The following APLP2 variants were observed in gnomAD, a reference collection of about 807,000 sequenced individuals.
APLP2 encodes the protein amyloid beta precursor like protein 2.
A neutral mutation model predicts 89.9 loss-of-function variants in APLP2; 53 were observed. The ratio of observed to expected loss-of-function variants is 0.59; its 90% CI spans 0.47 to 0.74. APLP2 has a LOEUF of 0.74. APLP2 is among the 30% of genes least tolerant of loss of function. APLP2 has a pLI of 0.00. For missense variants in APLP2, 973 were observed against 975.9 expected (o/e 1.00, Z 0.04); for synonymous variants, 372 against 348.6 (o/e 1.07, Z -0.75).
At chr11:130,127,554 CAA>C (rs563120672) in intron 8 of APLP2, among the ~76,000 whole-genome samples, 37 of 152,272 alleles carry the variant, frequency 2.4e-4, no homozygotes, top group African/African-American at 8.4e-4. Flanking sequence ...GGTTATGTAA[CAA>C]AGAGGTCATG....
chr11:130,081,135 C>T, intron 1 of APLP2, among the ~76,000 whole-genome samples: 1 of 152,056 alleles, frequency 6.6e-6, no homozygotes, highest in Non-Finnish European at 1.5e-5. Flanking sequence ...TAGATTCCCC[C>T]TTATGTGTGT....
chr11:130,087,932 T>C (rs975129117), intron 1 of APLP2, among the ~76,000 whole-genome samples: 3 of 152,206 alleles, frequency 2.0e-5, no homozygotes, highest in Admixed American at 6.5e-5. Flanking sequence ...TTTTAAACAA[T>C]AGGAATAGTA....
intron 1 of APLP2, among the ~76,000 whole-genome samples, chr11:130,094,025 G>A (rs1446658008): frequency 2.7e-5 from 4 of 149,618 alleles, no homozygotes; most frequent in Non-Finnish European, 4.4e-5. Context: ...GATTACAGGC[G>A]TGAGCCACCA....
At chr11:130,088,447 T>G (rs893888276) in intron 1 of APLP2, among the ~76,000 whole-genome samples, 2 of 152,082 alleles carry the variant, frequency 1.3e-5, no homozygotes, top group Non-Finnish European at 2.9e-5. Flanking sequence ...GTACAATGAA[T>G]TAGCAATGCG....
Position 130,123,591 on chromosome 11 carries a change from A to G in APLP2, c.923-21A>G, listed in dbSNP as rs771778673. On this transcript the variant is annotated intron_variant, in intron 6 of 16. Coordinates refer to ENST00000338167, the MANE Select transcript of APLP2 (RefSeq NM_001142276.2). This position sits in a 1 kb window ranked among gnomAD's most constrained non-coding sequence, Gnocchi z 4.0. ...ACGTCACTGCCTCTGTCCTGCTGAC[A>G]CTCTGACCATTTTCACACAGCTGTC... is the stretch of plus-strand genomic sequence containing the variant. 1.4e-5 allele frequency: 22 copies of G among 1,608,030 alleles called. No homozygotes were observed. Among genetic ancestry groups the G allele is most frequent in the Non-Finnish European group, 1.9e-5 (22 of 1,177,292 alleles).
intron 13 of APLP2, chr11:130,139,139 T>G (rs1237822284): frequency 6.6e-6 from 1 of 152,254 alleles, no homozygotes; most frequent in Non-Finnish European, 1.5e-5. Flanking sequence ...AGCTCTGATT[T>G]AACTAGAATC....
chr11:130,089,251 A>G (rs1183365720), intron 1 of APLP2, among the ~76,000 whole-genome samples: 2 of 152,044 alleles, frequency 1.3e-5, no homozygotes, highest in Non-Finnish European at 2.9e-5. Context: ...GTGGCTTCCT[A>G]ACTGGTCTCC....
intron 7 of APLP2, among the ~76,000 whole-genome samples, chr11:130,125,947 G>T (rs928964752): frequency 6.6e-6 from 1 of 152,178 alleles, no homozygotes; most frequent in African/African-American, 2.4e-5. Context: ...TCCAGCAGTC[G>T]GGGGTGCTCC....
intron 16 of APLP2, among the ~76,000 whole-genome samples, chr11:130,142,903 GCACCTGGCCAGTTA>G (rs1952595244): frequency 6.6e-6 from 1 of 152,204 alleles, no homozygotes; most frequent in Non-Finnish European, 1.5e-5. Context: ...ATGAGCTACT[GCACCTGGCCAGTTA>G]CTTGGTTTTA....
intron 1 of APLP2, among the ~76,000 whole-genome samples, chr11:130,080,914 G>A (rs1591761111): frequency 6.6e-6 from 1 of 151,330 alleles, no homozygotes; most frequent in East Asian, 2.0e-4. Flanking sequence ...AGCCAGGATG[G>A]TCTCAATCTC....
At chr11:130,091,497 A>AC (rs1945178093) in intron 1 of APLP2, among the ~76,000 whole-genome samples, 20 of 108,152 alleles carry the variant, frequency 1.8e-4, no homozygotes, top group African/African-American at 5.9e-4. Flanking sequence ...CGGAGGGCTG[A>AC]CCCCCCCACC....
chr11:130,117,146 A>C (rs1190486257), intron 3 of APLP2, among the ~76,000 whole-genome samples: 1 of 152,086 alleles, frequency 6.6e-6, no homozygotes, highest in African/African-American at 2.4e-5. Flanking sequence ...AAAAAGTTAA[A>C]TTTTAGAATT....
intron 1 of APLP2, among the ~76,000 whole-genome samples, chr11:130,100,847 A>C (rs1946813205): frequency 6.6e-6 from 1 of 152,248 alleles, no homozygotes; most frequent in South Asian, 2.1e-4. Flanking sequence ...AATGTTAAAA[A>C]ATCAAAAGAC....
intron 1 of APLP2, among the ~76,000 whole-genome samples, chr11:130,099,909 G>A (rs532625852): frequency 1.3e-5 from 2 of 152,224 alleles, no homozygotes; most frequent in Admixed American, 1.3e-4. Context: ...ATTGTGCTCA[G>A]TGGTTCTGCG....
chr11:130,082,065 A>G (rs550677272), intron 1 of APLP2, among the ~76,000 whole-genome samples: 114 of 152,360 alleles, frequency 7.5e-4, no homozygotes, highest in African/African-American at 2.5e-3. Context: ...GGTTCTTAAG[A>G]TGATATAATA....
At chr11:130,111,776 G>T (rs1948605357) in intron 3 of APLP2, among the ~76,000 whole-genome samples, 1 of 152,138 alleles carries the variant, frequency 6.6e-6, no homozygotes, top group African/African-American at 2.4e-5. Flanking sequence ...GACGCTTTCT[G>T]TTCTGTTTGG....
At chr11:130,101,855 C>T (rs1946972672) in intron 1 of APLP2, 4 of 441,622 alleles carry the variant, frequency 9.1e-6, no homozygotes, top group South Asian at 6.5e-5. Context: ...AGTTTTTCCA[C>T]TAATGTCCTT....
intron 2 of APLP2, 166 bp downstream of exon 2, chr11:130,109,768 T>C: frequency 1.5e-6 from 1 of 664,234 alleles, no homozygotes; most frequent in South Asian, 2.7e-5. Flanking sequence ...GACTGAGACC[T>C]CTCAAAGGCT....
At chr11:130,091,360 C>CG (rs1945123576) in intron 1 of APLP2, among the ~76,000 whole-genome samples, 1 of 145,846 alleles carries the variant, frequency 6.9e-6, no homozygotes, top group African/African-American at 2.6e-5. Flanking sequence ...GCTGGCCGGG[C>CG]GGGGGGCCGA....
Sources: allele counts gnomAD v4.1 joint callset (sites outside exome capture counted in the v4.1 genomes callset), GRCh38; gene constraint gnomAD v4.1.1; non-coding constraint Gnocchi (gnomAD v3.1); transcripts MANE v1.5; gene names NCBI Gene and HGNC (gene_info 2026-07-23, HGNC 2026-07-21).